The following FCRL1 variants were observed in gnomAD, a reference collection of about 807,000 sequenced individuals.
FCRL1 encodes Fc receptor like 1, also known as Fc receptor-like protein 1.
A neutral mutation model predicts 49.2 loss-of-function variants in FCRL1; 34 were observed. The ratio of observed to expected loss-of-function variants is 0.69; its 90% CI spans 0.53 to 0.92. FCRL1 has a LOEUF of 0.92. Ranked by LOEUF, FCRL1 falls within the 40% of genes least tolerant of loss-of-function variation. The pLI is 0.00. For missense variants in FCRL1, 524 were observed against 524.1 expected (o/e 1.00, Z 0.00); for synonymous variants, 218 against 201.6 (o/e 1.08, Z -0.69).
intron 7 of FCRL1, among the ~76,000 whole-genome samples, chr1:157,799,697 C>T (rs540035663): frequency 7.2e-4 from 109 of 151,770 alleles, no homozygotes; most frequent in African/African-American, 2.5e-3. Context: ...TGCTAAATGA[C>T]GAGTTAATGG....
At chr1:157,816,291 C>T (rs1178069916) in intron 1 of FCRL1, among the ~76,000 whole-genome samples, 1 of 151,822 alleles carries the variant, frequency 6.6e-6, no homozygotes, top group African/African-American at 2.4e-5. Flanking sequence ...AAGGATGGTT[C>T]AACATGCAGA....
chr1:157,796,151 G>T lies in FCRL1; in HGVS notation c.1238C>A (p.Ser413Tyr). ...TGTAATGTTTGCTTTCCTCAGCCTG[G>T]AATAGATGTCTAAGGAAACCTGGAA... ...MEDKVSLDIY[S>Y]RLRKANITDV... The change falls in exon 11 of 11, where the codon TCC (serine) becomes TAC (tyrosine). Residue 413 changes from serine to tyrosine, a missense_variant. Physicochemically the swap from Ser to Tyr is moderately radical, Grantham distance 144. Coordinates refer to ENST00000368176, the MANE Select transcript of FCRL1 (RefSeq NM_052938.5). 6.2e-7 allele frequency: 1 copy of T among 1,613,980 alleles called. No homozygotes were observed.
At chr1:157,797,180 C>G in intron 9 of FCRL1, 48 bp from the exon 10 acceptor site, 1 of 1,573,050 alleles carries the variant, frequency 6.4e-7, no homozygotes, top group Non-Finnish European at 8.7e-7. Flanking sequence ...TATTTAAAGT[C>G]CTTCACTAAA....
intron 3 of FCRL1, among the ~76,000 whole-genome samples, chr1:157,803,015 A>G (rs1200569533): frequency 6.6e-6 from 1 of 152,138 alleles, no homozygotes; most frequent in Non-Finnish European, 1.5e-5. Context: ...AGTGGTTCCA[A>G]CTCTTTTACT....
chr1:157,816,956 T>C (rs1655121204), intron 1 of FCRL1, among the ~76,000 whole-genome samples: 1 of 151,850 alleles, frequency 6.6e-6, no homozygotes, highest in African/African-American at 2.4e-5. Flanking sequence ...ACCAAGAAGT[T>C]GAAATATCTC....
At chr1:157,815,912 G>A (rs899718437) in intron 1 of FCRL1, among the ~76,000 whole-genome samples, 44 of 151,908 alleles carry the variant, frequency 2.9e-4, no homozygotes, top group Admixed American at 1.2e-3. Context: ...TGAAGAAATA[G>A]AAAATCTGAA....
intron 1 of FCRL1, among the ~76,000 whole-genome samples, chr1:157,814,560 A>T (rs1458754446): frequency 6.6e-6 from 1 of 152,028 alleles, no homozygotes; most frequent in Non-Finnish European, 1.5e-5. Flanking sequence ...GGAATGAAAG[A>T]TCTACAAAAC....
In FCRL1 at chr1:157,802,143, C is replaced by A. The variant is rs1652610468; in HGVS notation, c.658G>T (p.Ala220Ser). 6.2e-7 allele frequency: 1 copy of A among 1,614,064 alleles called. No individual in the cohort carries two copies. The highest frequency in any genetic ancestry group is 8.5e-7 in the Non-Finnish European group (1 of 1,180,010). ...LMLRAPRAQA[A>S]VEDVLELHCE... ...TGAAGCTCCAGCACATCCTCCACTG[C>A]AGCCTGGGCCCTGGGAGCCCTGAGC... The change falls in exon 5 of 11, where the codon GCA (alanine) becomes TCA (serine). Residue 220 changes from alanine to serine, a missense_variant. By Grantham distance (99) the Ala-to-Ser change is moderately conservative. Coordinates refer to ENST00000368176, the MANE Select transcript of FCRL1 (RefSeq NM_052938.5).
At chr1:157,798,942 A>C (rs1651988063) in intron 7 of FCRL1, among the ~76,000 whole-genome samples, 2 of 152,134 alleles carry the variant, frequency 1.3e-5, no homozygotes. Context: ...ACAGATCCTC[A>C]AATATTGGTT....
Position 157,798,339 on chromosome 1 carries a change from G to T in FCRL1, c.1032-96C>A, listed in dbSNP as rs80229366. 2,940 of 1,048,172 alleles carry T rather than the reference G, an allele frequency of 2.8e-3. 53 individuals are homozygous for T. In the African/African-American group the frequency reaches 0.04, roughly 14 times the overall value. The allele number at this position is 1,048,172 out of a possible 1,614,324, so 64.9% of individuals were successfully genotyped here. Reference sequence around the variant, plus strand: ...AGAGAAGCCTGTGACAAATTGTCCTGAGCAGAATACTAAGTTACGGGGAAA... The same window carrying T: ...AGAGAAGCCTGTGACAAATTGTCCTTAGCAGAATACTAAGTTACGGGGAAA... On this transcript the variant is annotated intron_variant, in intron 7 of 10. Transcript: ENST00000368176.
At chr1:157,814,399 T>C (rs1329685564) in intron 1 of FCRL1, among the ~76,000 whole-genome samples, 2 of 152,006 alleles carry the variant, frequency 1.3e-5, no homozygotes, top group African/African-American at 4.8e-5. Flanking sequence ...AAGTACTCTA[T>C]TATAACTATA....
chr1:157,796,790 C>T (rs143181647), intron 10 of FCRL1, among the ~76,000 whole-genome samples: 34 of 152,250 alleles, frequency 2.2e-4, no homozygotes, highest in Non-Finnish European at 4.3e-4. Flanking sequence ...GGATGTATGG[C>T]TCAACAATAT....
At chr1:157,815,818 G>C (rs909716162) in intron 1 of FCRL1, among the ~76,000 whole-genome samples, 1 of 151,894 alleles carries the variant, frequency 6.6e-6, no homozygotes, top group East Asian at 1.9e-4. Context: ...AGAGACTATT[G>C]TGAACAATTA....
chr1:157,798,704 T>C (rs1379955852), intron 7 of FCRL1, among the ~76,000 whole-genome samples: 1 of 152,046 alleles, frequency 6.6e-6, no homozygotes, highest in East Asian at 1.9e-4. Flanking sequence ...TGATAATACA[T>C]TATATTAAAA....
At chr1:157,804,786 G>A (rs941937094) in intron 2 of FCRL1, among the ~76,000 whole-genome samples, 1 of 151,954 alleles carries the variant, frequency 6.6e-6, no homozygotes, top group Non-Finnish European at 1.5e-5. Context: ...ATGATCTAAA[G>A]AGCTAATTTA....
intron 1 of FCRL1, among the ~76,000 whole-genome samples, chr1:157,807,527 C>T (rs981173720): frequency 1.3e-5 from 2 of 152,196 alleles, no homozygotes; most frequent in African/African-American, 4.8e-5. Flanking sequence ...TTCCCACCGC[C>T]TCCTTTCAAA....
At chr1:157,818,831 T>A (rs1233607406) in intron 1 of FCRL1, among the ~76,000 whole-genome samples, 1 of 152,224 alleles carries the variant, frequency 6.6e-6, no homozygotes, top group Non-Finnish European at 1.5e-5. Flanking sequence ...AATATTTCAA[T>A]AAAGCTGTTT....
intron 3 of FCRL1, among the ~76,000 whole-genome samples, chr1:157,803,194 G>T (rs1163496853): frequency 2.0e-5 from 3 of 152,206 alleles, no homozygotes; most frequent in African/African-American, 7.2e-5. Flanking sequence ...AGTGATTATT[G>T]TGGTGGTGGT....
intron 9 of FCRL1, 53 bp from the exon 10 acceptor site, chr1:157,797,185 A>G (rs1651641142): frequency 6.4e-7 from 1 of 1,551,820 alleles, no homozygotes; most frequent in Admixed American, 1.7e-5. Flanking sequence ...AAAGTCCTTC[A>G]CTAAACTTGT....
Sources: allele counts gnomAD v4.1 joint callset (sites outside exome capture counted in the v4.1 genomes callset), GRCh38; gene constraint gnomAD v4.1.1; transcripts MANE v1.5; gene names NCBI Gene and HGNC (gene_info 2026-07-23, HGNC 2026-07-21).